ULK4: variants seen among roughly 807,000 people sequenced by gnomAD.
The protein encoded by ULK4 is inactive serine/threonine-protein kinase ULK4.
ULK4 carries 133 observed loss-of-function variants against 160.6 expected under a neutral mutation model. The observed-to-expected ratio is 0.83, with a 90% CI of 0.72 to 0.96. The LOEUF (loss-of-function observed/expected upper bound fraction) is 0.96. Ranked by LOEUF, ULK4 falls within the 40% of genes least tolerant of loss-of-function variation. The pLI, the probability that ULK4 is intolerant of heterozygous loss-of-function variation, is 0.00. For synonymous variants in ULK4, 534 were observed against 539.8 expected (o/e 0.99, Z 0.15); for missense variants, 1,580 against 1,499.5 (o/e 1.05, Z -0.89).
chr3:41,860,640 G>A (rs2042478824), intron 17 of ULK4, among the ~76,000 whole-genome samples: 1 of 152,100 alleles, frequency 6.6e-6, no homozygotes, highest in East Asian at 1.9e-4. Flanking sequence ...TTTCTTGTAG[G>A]CAACAATCAA....
At chr3:41,741,917 T>C (rs564054348) in intron 22 of ULK4, among the ~76,000 whole-genome samples, 21 of 151,950 alleles carry the variant, frequency 1.4e-4, no homozygotes, top group Middle Eastern at 3.4e-3. Flanking sequence ...GCCTCTCATG[T>C]ATTCCAAGAG....
intron 35 of ULK4, among the ~76,000 whole-genome samples, chr3:41,286,269 C>T (rs1364118400): frequency 1.3e-5 from 2 of 152,056 alleles, no homozygotes; most frequent in African/African-American, 2.4e-5. Context: ...CTGAGACGGG[C>T]GTTATTTTAA....
At chr3:41,826,571 T>C (rs922211300) in intron 18 of ULK4, among the ~76,000 whole-genome samples, 1 of 147,438 alleles carries the variant, frequency 6.8e-6, no homozygotes, top group Non-Finnish European at 1.5e-5. Context: ...AAGGCCATTA[T>C]ATACTGGTAA....
intron 32 of ULK4, among the ~76,000 whole-genome samples, chr3:41,518,535 T>C (rs956444769): frequency 4.6e-5 from 7 of 152,252 alleles, no homozygotes; most frequent in Admixed American, 2.0e-4. Flanking sequence ...AGTTATTAAA[T>C]GCCTCTATAA....
chr3:41,646,271 C>T (rs1014217504), intron 30 of ULK4, among the ~76,000 whole-genome samples: 6 of 152,186 alleles, frequency 3.9e-5, no homozygotes, highest in Non-Finnish European at 7.3e-5. Flanking sequence ...TTAGTTGATG[C>T]AGTTTCTTCC....
chr3:41,850,458 T>A (rs1307540477), intron 17 of ULK4, among the ~76,000 whole-genome samples: 1 of 151,656 alleles, frequency 6.6e-6, no homozygotes, highest in Non-Finnish European at 1.5e-5. Flanking sequence ...TTTCTCCACA[T>A]CCTCTCCAGC....
intron 2 of ULK4, among the ~76,000 whole-genome samples, chr3:41,948,146 G>C (rs1559670096): frequency 6.6e-6 from 1 of 152,038 alleles, no homozygotes; most frequent in South Asian, 2.1e-4. Flanking sequence ...TGTGACGTAA[G>C]AGACATCATG....
At chr3:41,755,060 T>C (rs1316909279) in intron 21 of ULK4, among the ~76,000 whole-genome samples, 1 of 152,232 alleles carries the variant, frequency 6.6e-6, no homozygotes, top group Admixed American at 6.5e-5. Flanking sequence ...ATAGTGCTAC[T>C]TTCCCTTTTA....
At chr3:41,394,401 C>T (rs2082013708) in intron 35 of ULK4, among the ~76,000 whole-genome samples, 2 of 152,074 alleles carry the variant, frequency 1.3e-5, no homozygotes, top group South Asian at 4.1e-4. Context: ...TCCCAATAAA[C>T]CCATCATAAT....
chr3:41,679,281 C>T (rs28609341), intron 29 of ULK4, among the ~76,000 whole-genome samples: 30,259 of 152,054 alleles, frequency 0.2, 7,958 homozygotes, highest in African/African-American at 0.61. Flanking sequence ...CACACTGTAC[C>T]GTTTCAAAAG....
At chr3:41,729,718 T>C (rs1009663452) in intron 22 of ULK4, among the ~76,000 whole-genome samples, 3 of 152,178 alleles carry the variant, frequency 2.0e-5, no homozygotes, top group Non-Finnish European at 4.4e-5. Flanking sequence ...TCCCTTGATG[T>C]AGTGCATGAG....
intron 17 of ULK4, among the ~76,000 whole-genome samples, chr3:41,875,100 G>T (rs1258895700): frequency 6.6e-6 from 1 of 152,202 alleles, no homozygotes; most frequent in Admixed American, 6.5e-5. Flanking sequence ...GATCAGTTGA[G>T]CCCAGGAGTA....
At chr3:41,375,044 G>C (rs371760058) in intron 35 of ULK4, among the ~76,000 whole-genome samples, 26 of 152,188 alleles carry the variant, frequency 1.7e-4, no homozygotes, top group Admixed American at 4.6e-4. Flanking sequence ...CTGCTACAAA[G>C]AGAATAAAAT....
At chr3:41,724,002 C>T (rs2037562604) in intron 22 of ULK4, among the ~76,000 whole-genome samples, 1 of 152,190 alleles carries the variant, frequency 6.6e-6, no homozygotes, top group African/African-American at 2.4e-5. Flanking sequence ...TAATGTAAAG[C>T]TCAAAGTCAA....
chr3:41,737,309 G>A (rs1170705813), intron 22 of ULK4, among the ~76,000 whole-genome samples: 1 of 151,944 alleles, frequency 6.6e-6, no homozygotes, highest in South Asian at 2.1e-4. Flanking sequence ...ACTTACAAGG[G>A]ATGTCAAGGA....
intron 34 of ULK4, among the ~76,000 whole-genome samples, chr3:41,440,332 A>AT (rs2083134836): frequency 6.6e-6 from 1 of 152,112 alleles, no homozygotes; most frequent in African/African-American, 2.4e-5. Context: ...CTAACTGTAG[A>AT]TTTTTCAGAG....
chr3:41,898,626 A>G (rs1698249072), intron 13 of ULK4, 134 bp from the exon 14 acceptor site: 3 of 571,196 alleles, frequency 5.3e-6, no homozygotes, highest in Middle Eastern at 3.6e-4. Context: ...ACCAAAAAGA[A>G]TAAGAACAAT....
At chr3:41,673,633 T>C (rs1489986287) in intron 29 of ULK4, among the ~76,000 whole-genome samples, 2 of 152,092 alleles carry the variant, frequency 1.3e-5, no homozygotes, top group Non-Finnish European at 2.9e-5. Context: ...TGTAAGCACA[T>C]TTATATCAGC....
chr3:41,725,076 T>C (rs1224464674), intron 22 of ULK4, among the ~76,000 whole-genome samples: 2 of 152,190 alleles, frequency 1.3e-5, no homozygotes, highest in Admixed American at 1.3e-4. Context: ...TTTTTACTCT[T>C]TTAATGTCTT....
Sources: allele counts gnomAD v4.1 joint callset (sites outside exome capture counted in the v4.1 genomes callset), GRCh38; gene constraint gnomAD v4.1.1; transcripts MANE v1.5; gene names NCBI Gene and HGNC (gene_info 2026-07-23, HGNC 2026-07-21).